The following ZNF444 variants were observed in gnomAD, a reference collection of about 807,000 sequenced individuals.
ZNF444 encodes zinc finger protein 444, also known as endothelial zinc finger protein 2.
Under a neutral mutation model 14.4 loss-of-function variants are expected in ZNF444, and 8 were observed. That is an observed-to-expected ratio of 0.56 (90% CI 0.33 to 1.00). The LOEUF is 1.00. Among genes scored for constraint, ZNF444 ranks in the 50% least tolerant of loss-of-function variants. The pLI, the probability that ZNF444 is intolerant of heterozygous loss-of-function variation, is 0.03. For synonymous variants in ZNF444, 258 were observed against 235.9 expected, an observed-to-expected ratio of 1.09 and a Z score of -0.86; for missense variants, 510 against 504.8, an observed-to-expected ratio of 1.01 and a Z score of -0.10.
intron 1 of ZNF444, among the ~76,000 whole-genome samples, chr19:56,141,974 C>T (rs977242908): frequency 6.6e-6 from 1 of 152,080 alleles, no homozygotes. Flanking sequence ...GCCTTTTTAG[C>T]TTGTTGCAAG....
At chr19:56,154,027 T>C (rs2031745223) in intron 3 of ZNF444, among the ~76,000 whole-genome samples, 1 of 152,038 alleles carries the variant, frequency 6.6e-6, no homozygotes, top group Admixed American at 6.6e-5. Flanking sequence ...ACACTGATGG[T>C]GGAAGCAAGC....
rs1282846935 is a variant in ZNF444 at position 56,147,598 on chromosome 19, A to G, written c.297+390A>G. Reference sequence around the variant, plus strand: ...ACGCAGGGGGTCTTGCCGGCCAGGAATTCTCCTCAGACCGTGGTGTCCTGG... The same window carrying G: ...ACGCAGGGGGTCTTGCCGGCCAGGAGTTCTCCTCAGACCGTGGTGTCCTGG... On this transcript the variant is annotated intron_variant, in intron 3 of 4. Coordinates refer to ENST00000337080, the MANE Select transcript of ZNF444 (RefSeq NM_018337.4). The surrounding 1 kb of genome is among the most constrained non-coding windows in gnomAD (Gnocchi z 5.9). 6.6e-6 allele frequency among the ~76,000 whole-genome samples: 1 copy of G among 152,012 alleles called. No individual in the cohort carries two copies. The highest frequency in any genetic ancestry group is 2.4e-5 in the African/African-American group (1 of 41,382).
chr19:56,136,867 T>C (rs773715989), upstream of ZNF444, among the ~76,000 whole-genome samples: 5 of 152,064 alleles, frequency 3.3e-5, no homozygotes, highest in East Asian at 1.9e-4. Context: ...CCGCAACCTC[T>C]GCCTCCCGGT....
Position 56,144,727 on chromosome 19 carries a change from G to A in ZNF444, c.-196-1520G>A, listed in dbSNP as rs2031061300. Among the ~76,000 whole-genome samples, 1 of 150,184 alleles carries A rather than the reference G, an allele frequency of 6.7e-6. No individual in the cohort carries two copies. On this transcript the variant is annotated intron_variant, in intron 1 of 4. Coordinates refer to ENST00000337080, the MANE Select transcript of ZNF444 (RefSeq NM_018337.4). The surrounding 1 kb of genome is among the most constrained non-coding windows in gnomAD (Gnocchi z 4.0). ...TGCCCACCCTCTGCCTTGTGGTCAAGGGGACTTTGCTATATAGTTCCTTAT... is the reference window on the plus strand; with the variant it reads ...TGCCCACCCTCTGCCTTGTGGTCAAAGGGACTTTGCTATATAGTTCCTTAT...
In ZNF444 at chr19:56,158,549, C is replaced by T. The variant is rs754371944; in HGVS notation, c.353C>T (p.Thr118Met). 3.7e-5 allele frequency: 59 copies of T among 1,611,908 alleles called. No homozygotes were observed. Among genetic ancestry groups the T allele is most frequent in the Admixed American group, 3.0e-4 (18 of 59,808 alleles). Residue 118 changes from threonine to methionine, a missense_variant, in exon 4 of 5, where the codon ACG (threonine) becomes ATG (methionine). By Grantham distance (81) the Thr-to-Met change is moderately conservative (BLOSUM62 -1). Transcript: ENST00000337080. ...GCAACGAGGGTGCCTCAGGATGTGA[C>T]GCAGGGCCCTGGGGCCACAGGTGGA... ...SSATRVPQDVTQGPGATGGKE... is the reference protein window; with the variant it reads ...SSATRVPQDVMQGPGATGGKE...
chr19:56,142,026 T>C (rs1310642475), intron 1 of ZNF444, among the ~76,000 whole-genome samples: 1 of 152,132 alleles, frequency 6.6e-6, no homozygotes, highest in Non-Finnish European at 1.5e-5. Context: ...GCTTAGAAAC[T>C]CTGTTTATTG....
chr19:56,157,007 T>A (rs889809363), intron 3 of ZNF444: 1 of 152,238 alleles, frequency 6.6e-6, no homozygotes, highest in East Asian at 1.9e-4. Flanking sequence ...CAGGCTCCAC[T>A]CTCAGGTGTG....
Position 56,159,607 on chromosome 19 carries a change from T to A in ZNF444, c.407-17T>A. ...CCCTCGTGCCGACCCAGATGCTGAC[T>A]CTCTTTCTTTTCCCAGCAGGCACCG... On this transcript the variant is annotated splice_polypyrimidine_tract_variant and intron_variant, in intron 4 of 4. Coordinates refer to ENST00000337080, the MANE Select transcript of ZNF444 (RefSeq NM_018337.4). The A allele has an allele frequency of 7.0e-7, 1 of 1,422,710 alleles. No individual in the cohort carries two copies. The highest frequency in any genetic ancestry group is 9.2e-7 in the Non-Finnish European group (1 of 1,092,754). The allele number at this position is 1,422,710 out of a possible 1,614,324, so 88.1% of individuals were successfully genotyped here. A position where few individuals can be genotyped will look rare whatever the true frequency, so the allele number is the denominator to read the frequency against.
intron 4 of ZNF444, among the ~76,000 whole-genome samples, chr19:56,158,921 A>G (rs567544989): frequency 1.3e-5 from 2 of 150,974 alleles, no homozygotes; most frequent in East Asian, 3.9e-4. Context: ...CATCCTTCAC[A>G]TGTTCCCCCT....
chr19:56,134,713 A>C (rs2631627), intron 1 of ZNF444, among the ~76,000 whole-genome samples: 145,257 of 152,120 alleles, frequency 0.95, 70,006 homozygotes, highest in Non-Finnish European at 0.99. Context: ...ATACATTAGG[A>C]CCTGTCCTAA....
chr19:56,138,818 A>G (rs2030671865), upstream of ZNF444, among the ~76,000 whole-genome samples: 1 of 24,994 alleles, frequency 4.0e-5, no homozygotes, highest in Non-Finnish European at 1.2e-4. Context: ...TTTTTTTGAG[A>G]CAGAGTCTGA....
intron 4 of ZNF444, among the ~76,000 whole-genome samples, chr19:56,159,325 A>C (rs1195654044): frequency 6.6e-6 from 1 of 150,694 alleles, no homozygotes; most frequent in Non-Finnish European, 1.5e-5. Context: ...ACATTCATCC[A>C]TCCATCATCG....
intron 3 of ZNF444, chr19:56,156,484 C>T (rs1416391444): frequency 6.6e-6 from 1 of 152,160 alleles, no homozygotes; most frequent in Admixed American, 6.5e-5. Context: ...GGGCAGGACC[C>T]CTTCTGAAGG....
chr19:56,146,882 C>A lies in ZNF444; in HGVS notation c.-22-8C>A. On this transcript the variant is annotated splice_polypyrimidine_tract_variant and splice_region_variant and intron_variant, in intron 2 of 4. Transcript: ENST00000337080. ...CGGGCAGGGGTCTCACCGGCTTGTT[C>A]CCTGCAGGCGCTGCGGTCCGGGAGG... The A allele has an allele frequency of 7.3e-7, 1 of 1,377,004 alleles. No homozygotes were observed. The highest frequency in any genetic ancestry group is 1.7e-5 in the South Asian group (1 of 59,636). 85.3% of individuals were successfully genotyped at this position (1,377,004 alleles called of 1,614,324 possible).
At chr19:56,150,631 G>A in intron 3 of ZNF444, 1 of 454,568 alleles carries the variant, frequency 2.2e-6, no homozygotes, top group Non-Finnish European at 4.4e-6. Flanking sequence ...GATACAACAT[G>A]GTCTTAAGTC....
At chr19:56,156,994 TC>T (rs2031949343) in intron 3 of ZNF444, 1 of 152,232 alleles carries the variant, frequency 6.6e-6, no homozygotes, top group Admixed American at 6.5e-5. Flanking sequence ...TGGCACGGCT[TC>T]CCAGGCTCCA....
At chr19:56,158,390 C>A in intron 3 of ZNF444, 104 bp from the exon 4 acceptor site, 1 of 1,112,326 alleles carries the variant, frequency 9.0e-7, no homozygotes, top group Non-Finnish European at 1.3e-6. Context: ...GTGGCTTCCT[C>A]CCAGCAGGGA....
chr19:56,159,628 C>T lies in ZNF444; in HGVS notation c.411C>T (p.Gly137=), dbSNP rs1471758862. The change falls in exon 5 of 5, where the codon GGC becomes GGT. Residue 137 remains glycine, a synonymous_variant. Coordinates refer to ENST00000337080, the MANE Select transcript of ZNF444 (RefSeq NM_018337.4). The part of the protein sequence containing the change: ...KEDSGMIPLA[G]TAPGAEGPAP... ...TGACTCTCTTTCTTTTCCCAGCAGG[C>T]ACCGCCCCTGGGGCTGAGGGGCCGG... The T allele has an allele frequency of 4.9e-6, 7 of 1,436,140 alleles. No homozygotes were observed. The highest frequency in any genetic ancestry group is 6.4e-6 in the Non-Finnish European group (7 of 1,099,374). 89.0% of individuals were successfully genotyped at this position (1,436,140 alleles called of 1,614,324 possible).
At chr19:56,137,623 G>A (rs956577940), upstream of ZNF444, among the ~76,000 whole-genome samples, 3 of 152,132 alleles carry the variant, frequency 2.0e-5, no homozygotes, top group Non-Finnish European at 4.4e-5. Flanking sequence ...ATATTCCTCC[G>A]GATCTGCCTG....
Sources: gnomAD v4.1 joint callset for allele counts (sites outside exome capture counted in the v4.1 genomes callset) on GRCh38, gnomAD v4.1.1 for gene constraint, Gnocchi (gnomAD v3.1) non-coding constraint, MANE v1.5 for transcripts, NCBI Gene and HGNC (gene_info 2026-07-23, HGNC 2026-07-21) for gene names.